DDIAS: variants seen among roughly 807,000 people sequenced by gnomAD.
The protein encoded by DDIAS is DNA damage induced apoptosis suppressor.
A neutral mutation model predicts 15.7 loss-of-function variants in DDIAS; 14 were observed. That is an observed-to-expected ratio of 0.89 (90% CI 0.59 to 1.39). The LOEUF is 1.39. Ranked by LOEUF, DDIAS falls within the 40% of genes most tolerant of loss-of-function variation. The pLI, the probability that DDIAS is intolerant of heterozygous loss-of-function variation, is 0.00. For missense variants in DDIAS, 1,035 were observed against 1,130.9 expected (o/e 0.92, Z 1.22); for synonymous variants, 355 against 395.9 (o/e 0.90, Z 1.23).
chr11:82,925,173 A>G (rs1262181413), intron 3 of DDIAS, among the ~76,000 whole-genome samples: 2 of 152,130 alleles, frequency 1.3e-5, no homozygotes, highest in Non-Finnish European at 2.9e-5. Flanking sequence ...AATTTGAAAA[A>G]CATAACTATT....
chr11:82,905,501 A>T (rs1860410184), intron 1 of DDIAS, among the ~76,000 whole-genome samples: 1 of 152,032 alleles, frequency 6.6e-6, no homozygotes, highest in South Asian at 2.1e-4. Context: ...TAACACTACC[A>T]CCCTGAGAAA....
At chr11:82,902,549 C>G (rs1860342480) in intron 1 of DDIAS, among the ~76,000 whole-genome samples, 1 of 152,186 alleles carries the variant, frequency 6.6e-6, no homozygotes, top group African/African-American at 2.4e-5. Flanking sequence ...TAAGCCCAAA[C>G]TCTTTAACAT....
At chr11:82,914,101 T>C in intron 2 of DDIAS, 1 of 323,298 alleles carries the variant, frequency 3.1e-6, no homozygotes, top group Non-Finnish European at 5.9e-6. Context: ...CATGCTCAGC[T>C]ACTTTTTGTA....
chr11:82,932,816 A>G lies in DDIAS; in HGVS notation c.1478A>G (p.Asp493Gly). 6.2e-7 allele frequency: 1 copy of G among 1,613,656 alleles called. No homozygotes were observed. Among genetic ancestry groups the G allele is most frequent in the Non-Finnish European group, 8.5e-7 (1 of 1,180,010 alleles). The change falls in exon 6 of 6, where the codon GAT (aspartate) becomes GGT (glycine). Residue 493 changes from aspartate to glycine, a missense_variant. Physicochemically the swap from Asp to Gly is moderately conservative, Grantham distance 94. Coordinates refer to ENST00000533655, the MANE Select transcript of DDIAS (RefSeq NM_145018.4). Reference protein sequence around the residue: ...QVIVKANCSKDDFLFNCKGNL... With the variant: ...QVIVKANCSKGDFLFNCKGNL... ...ATAGTCAAAGCAAACTGTAGCAAAG[A>G]TGACTTCCTTTTCAACTGTAAAGGA... is the stretch of plus-strand genomic sequence containing the variant.
Position 82,932,152 on chromosome 11 carries a change from C to T in DDIAS, c.814C>T (p.Gln272Ter), listed in dbSNP as rs1861003813. 6.2e-7 allele frequency: 1 copy of T among 1,614,168 alleles called. No individual in the cohort carries two copies. Among genetic ancestry groups the T allele is most frequent in the South Asian group, 1.1e-5 (1 of 91,086 alleles). The change falls in exon 6 of 6, where the codon CAG becomes TAG. Residue 272 changes from glutamine (Q) to a stop codon, truncating the protein, a stop_gained. Coordinates refer to ENST00000533655, the MANE Select transcript of DDIAS (RefSeq NM_145018.4). LOFTEE classifies it low-confidence loss of function (END_TRUNC). Reference protein sequence around the residue: ...EQSKAFGTLQQNRKSISIAEA... With the variant: ...EQSKAFGTLQ ...AAGTAAGGCCTTTGGTACTCTTCAG[C>T]AGAACAGAAAGTCCATCTCCATTGC...
At chr11:82,918,660 C>T (rs1480459964) in intron 3 of DDIAS, among the ~76,000 whole-genome samples, 1 of 152,206 alleles carries the variant, frequency 6.6e-6, no homozygotes, top group African/African-American at 2.4e-5. Flanking sequence ...TTGCTTTTGG[C>T]AGCATGGTCA....
At chr11:82,923,106 G>A (rs1156722102) in intron 3 of DDIAS, among the ~76,000 whole-genome samples, 1 of 152,162 alleles carries the variant, frequency 6.6e-6, no homozygotes, top group Admixed American at 6.5e-5. Context: ...GGTCCTGCAG[G>A]AGCAGTCCAC....
At chr11:82,903,561 G>T (rs1860368580) in intron 1 of DDIAS, among the ~76,000 whole-genome samples, 1 of 152,154 alleles carries the variant, frequency 6.6e-6, no homozygotes, top group South Asian at 2.1e-4. Context: ...TTTCACTGAA[G>T]ATTTTGTCTC....
Position 82,932,023 on chromosome 11 carries a change from T to C in DDIAS, c.685T>C (p.Ser229Pro). 1 of 1,614,168 alleles carries C rather than the reference T, an allele frequency of 6.2e-7. No homozygotes were observed. The highest frequency in any genetic ancestry group is 8.5e-7 in the Non-Finnish European group (1 of 1,180,032). ...TSDSTSDFFKSCSKDTFSKFW... is the reference protein window; with the variant it reads ...TSDSTSDFFKPCSKDTFSKFW... ...TGACAGCACTTCTGATTTTTTCAAGTCCTGCAGCAAGGATACTTTTTCAAA... is the reference window on the plus strand; with the variant it reads ...TGACAGCACTTCTGATTTTTTCAAGCCCTGCAGCAAGGATACTTTTTCAAA... The change falls in exon 6 of 6, where the codon TCC becomes CCC. Residue 229 changes from serine to proline, a missense_variant. By Grantham distance (74) the Ser-to-Pro change is moderately conservative. Coordinates refer to ENST00000533655, the MANE Select transcript of DDIAS (RefSeq NM_145018.4).
intron 3 of DDIAS, among the ~76,000 whole-genome samples, chr11:82,916,500 G>C (rs567883392): frequency 6.7e-6 from 1 of 149,620 alleles, no homozygotes; most frequent in South Asian, 2.1e-4. Context: ...GATCAAATAG[G>C]TTAATATACA....
chr11:82,931,684 A>G, intron 5 of DDIAS, 48 bp from the exon 6 acceptor site: 1 of 1,496,694 alleles, frequency 6.7e-7, no homozygotes, highest in African/African-American at 1.4e-5. Flanking sequence ...GTTTAAGTAA[A>G]TGGAAGACAA....
intron 3 of DDIAS, among the ~76,000 whole-genome samples, chr11:82,919,814 C>T (rs941646519): frequency 1.2e-4 from 19 of 152,154 alleles, no homozygotes; most frequent in African/African-American, 4.6e-4. Context: ...GCACTGCAAG[C>T]TCTACCTCTC....
chr11:82,910,220 TTTATG>T lies in DDIAS; in HGVS notation c.-116-3062_-116-3058del, dbSNP rs544349107. On this transcript the variant is annotated intron_variant, in intron 1 of 5. Transcript: ENST00000533655. ...AAGACCTTTGTTGTAAGGCATGTAT[TTTATG>T]TTATATGTTTTATGTTATGCTAATC... Among the ~76,000 whole-genome samples the T allele has an allele frequency of 8.5e-5, 13 of 152,268 alleles. No homozygotes were observed. In the South Asian group the frequency reaches 2.5e-3, roughly 29 times the overall value.
At chr11:82,915,922 G>A (rs925701326) in intron 3 of DDIAS, among the ~76,000 whole-genome samples, 7 of 152,092 alleles carry the variant, frequency 4.6e-5, no homozygotes, top group African/African-American at 1.2e-4. Flanking sequence ...GCAACTTTAC[G>A]CAAAATGATG....
intron 1 of DDIAS, among the ~76,000 whole-genome samples, chr11:82,902,274 C>G (rs1860332460): frequency 6.6e-6 from 1 of 152,202 alleles, no homozygotes; most frequent in Admixed American, 6.5e-5. Context: ...CTTTTCACAT[C>G]CAGCCAGTCC....
At chr11:82,905,059 A>C (rs886844144) in intron 1 of DDIAS, among the ~76,000 whole-genome samples, 2 of 152,224 alleles carry the variant, frequency 1.3e-5, no homozygotes, top group Admixed American at 6.5e-5. Context: ...AAGGAGAGAA[A>C]GCAAGTATTC....
chr11:82,929,055 C>A, intron 4 of DDIAS, 117 bp downstream of exon 4: 3 of 1,152,780 alleles, frequency 2.6e-6, no homozygotes, highest in Non-Finnish European at 3.7e-6. Context: ...ATTGTCAATT[C>A]CTTTAAAAGA....
At chr11:82,914,274 T>C (rs1399657157) in intron 2 of DDIAS, 1 of 210,286 alleles carries the variant, frequency 4.8e-6, no homozygotes, top group Non-Finnish European at 9.7e-6. Flanking sequence ...ACAAAGTTTG[T>C]GTTAAGTACT....
At position 82,914,444 on chromosome 11, in the gene DDIAS, A is replaced by G. The variant is rs1327509463; in HGVS notation, c.-16-279A>G. Among the ~76,000 whole-genome samples the G allele has an allele frequency of 2.0e-5, 3 of 152,206 alleles. No individual in the cohort carries two copies. The East Asian group carries it at 5.8e-4, about 29-fold the overall frequency. On this transcript the variant is annotated intron_variant, in intron 2 of 5. Coordinates refer to ENST00000533655, the MANE Select transcript of DDIAS (RefSeq NM_145018.4). ...TCTTGTAAAGGTGTGAAGAAGCTAA[A>G]TGACATCTTTCCTGAATTACTGGGA...
Sources: allele counts gnomAD v4.1 joint callset (sites outside exome capture counted in the v4.1 genomes callset), GRCh38; gene constraint gnomAD v4.1.1; transcripts MANE v1.5; gene names NCBI Gene and HGNC (gene_info 2026-07-23, HGNC 2026-07-21).